TNS1: variants seen among roughly 807,000 people sequenced by gnomAD.
TNS1 encodes tensin 1.
TNS1 carries 62 observed loss-of-function variants against 168.6 expected under a neutral mutation model. That is an observed-to-expected ratio of 0.37 (90% confidence interval 0.30 to 0.45). TNS1 has a LOEUF of 0.45. Among genes scored for constraint, TNS1 ranks in the 20% least tolerant of loss-of-function variants. The pLI is 1.00. For synonymous variants in TNS1, 934 were observed against 933.2 expected, an observed-to-expected ratio of 1.00 and a Z score of -0.02; for missense variants, 2,240 against 2,339.4, an observed-to-expected ratio of 0.96 and a Z score of 0.88.
chr2:217,927,938 C>T (rs1333593421), intron 3 of TNS1, among the ~76,000 whole-genome samples: 1 of 152,224 alleles, frequency 6.6e-6, no homozygotes, highest in Non-Finnish European at 1.5e-5. Context: ...AGTCTCCATG[C>T]CCATATGAAG....
intron 19 of TNS1, 82 bp downstream of exon 19, chr2:217,847,428 G>A: frequency 2.3e-6 from 3 of 1,289,448 alleles, no homozygotes; most frequent in Non-Finnish European, 3.0e-6. Flanking sequence ...ATCTGCTTAG[G>A]GGTCATGGCT....
intron 2 of TNS1, among the ~76,000 whole-genome samples, chr2:217,979,911 C>A (rs947947426): frequency 6.6e-6 from 1 of 152,130 alleles, no homozygotes; most frequent in Admixed American, 6.5e-5. Context: ...ACCCCACCCC[C>A]TTCCAGCTTT....
At chr2:217,879,256 A>G (rs1559287820) in intron 18 of TNS1, 1 of 327,274 alleles carries the variant, frequency 3.1e-6, no homozygotes, top group East Asian at 1.1e-4. Context: ...CATCGCATTG[A>G]CCATGCACCA....
At chr2:217,966,308 T>TGCGCGCGCGC (rs1553621681) in intron 3 of TNS1, among the ~76,000 whole-genome samples, 2 of 133,746 alleles carry the variant, frequency 1.5e-5, no homozygotes, top group East Asian at 4.5e-4. Context: ...TGTGTGTGTG[T>TGCGCGCGCGC]GCGCGCGCGC....
intron 13 of TNS1, 150 bp from the exon 14 acceptor site, chr2:217,886,254 A>C: frequency 1.2e-6 from 1 of 826,264 alleles, no homozygotes; most frequent in Non-Finnish European, 1.9e-6. Flanking sequence ...GAAAGAGTAA[A>C]AGAGGAAGCA....
chr2:217,990,142 C>CT (rs1958323529), intron 2 of TNS1, among the ~76,000 whole-genome samples: 2 of 144,102 alleles, frequency 1.4e-5, no homozygotes, highest in East Asian at 2.0e-4. Context: ...GCCACAGACC[C>CT]TCAAAACACA....
At chr2:217,962,953 G>T (rs557605108) in intron 3 of TNS1, among the ~76,000 whole-genome samples, 80 of 152,330 alleles carry the variant, frequency 5.3e-4, no homozygotes, top group South Asian at 1.0e-3. Context: ...TTTGATAACC[G>T]TGCATGGTTA....
intron 3 of TNS1, among the ~76,000 whole-genome samples, chr2:217,967,580 C>T (rs1575145447): frequency 1.3e-5 from 2 of 152,076 alleles, no homozygotes; most frequent in African/African-American, 4.8e-5. Flanking sequence ...AGACAAATTC[C>T]TAGAAAGGCA....
intron 3 of TNS1, among the ~76,000 whole-genome samples, chr2:217,938,923 G>A (rs1196258064): frequency 6.6e-6 from 1 of 152,062 alleles, no homozygotes; most frequent in Non-Finnish European, 1.5e-5. Flanking sequence ...GGGATCTGAT[G>A]TTAGGACCTC....
Position 217,802,767 on chromosome 2 carries a change from T to C in TNS1, c.*1692A>G, listed in dbSNP as rs543766329. The stretch of plus-strand genomic sequence containing the variant: ...ATGGAAAAACAATAAATACTTCTTG[T>C]CAATTTACCTATTCTTTTTTTAACC... On this transcript the variant is annotated 3_prime_UTR_variant, in exon 33 of 33. Coordinates refer to ENST00000682258, the MANE Select transcript of TNS1 (RefSeq NM_001387777.1). 1 of 152,806 alleles carries C rather than the reference T, an allele frequency of 6.5e-6. No individual in the cohort carries two copies. The highest frequency in any genetic ancestry group is 1.9e-4 in the East Asian group (1 of 5,194). 9.5% of individuals were successfully genotyped at this position (152,806 alleles called of 1,614,324 possible). A position where few individuals can be genotyped will look rare whatever the true frequency, so the allele number is the denominator to read the frequency against.
chr2:217,951,619 C>T (rs6436020), intron 3 of TNS1, among the ~76,000 whole-genome samples: 24,055 of 152,090 alleles, frequency 0.16, 3,190 homozygotes, highest in African/African-American at 0.36. Flanking sequence ...CTTGACCTGA[C>T]AGGGGCTCGC....
intron 16 of TNS1, among the ~76,000 whole-genome samples, chr2:217,883,057 A>G (rs1950834876): frequency 2.0e-5 from 3 of 152,158 alleles, no homozygotes; most frequent in African/African-American, 7.2e-5. Flanking sequence ...CAGCATCCCA[A>G]AGTGCTGGGT....
chr2:217,822,002 C>A, intron 22 of TNS1, 64 bp from the exon 23 acceptor site: 7 of 1,464,438 alleles, frequency 4.8e-6, no homozygotes, highest in Non-Finnish European at 6.4e-6. Context: ...GCAGGTCCCC[C>A]CCAACCTCCC....
At chr2:217,976,985 G>A (rs994542983) in intron 3 of TNS1, among the ~76,000 whole-genome samples, 1 of 152,136 alleles carries the variant, frequency 6.6e-6, no homozygotes, top group Admixed American at 6.5e-5. Context: ...CTCAACGTGG[G>A]GCGCCTCAGT....
chr2:217,907,307 G>A, intron 4 of TNS1, 56 bp from the exon 5 acceptor site: 1 of 701,856 alleles, frequency 1.4e-6, no homozygotes, highest in Non-Finnish European at 2.6e-6. Context: ...CCAGGGATGG[G>A]CTCTCTCCCC....
chr2:218,024,236 T>G (rs1958833515), intron 1 of TNS1, among the ~76,000 whole-genome samples: 1 of 152,104 alleles, frequency 6.6e-6, no homozygotes, highest in African/African-American at 2.4e-5. Flanking sequence ...GGGGACATAG[T>G]GTGGAGTCAC....
intron 1 of TNS1, among the ~76,000 whole-genome samples, chr2:217,991,424 A>C (rs1958363566): frequency 6.6e-6 from 1 of 152,016 alleles, no homozygotes; most frequent in Non-Finnish European, 1.5e-5. Flanking sequence ...CATACACCCC[A>C]CAGAGCCACA....
At chr2:217,857,578 A>G (rs1467504229) in intron 18 of TNS1, among the ~76,000 whole-genome samples, 1 of 152,226 alleles carries the variant, frequency 6.6e-6, no homozygotes, top group African/African-American at 2.4e-5. Flanking sequence ...CAATTGTCCC[A>G]GGTATCTTCT....
chr2:217,944,640 T>G (rs1342057501), intron 3 of TNS1, among the ~76,000 whole-genome samples: 1 of 152,236 alleles, frequency 6.6e-6, no homozygotes, highest in Non-Finnish European at 1.5e-5. Context: ...TTCTCTGGGC[T>G]GAGTTAGGAC....
Sources: allele counts gnomAD v4.1 joint callset (sites outside exome capture counted in the v4.1 genomes callset), GRCh38; gene constraint gnomAD v4.1.1; transcripts MANE v1.5; gene names NCBI Gene and HGNC (gene_info 2026-07-23, HGNC 2026-07-21).